ALOX5: variants seen among roughly 807,000 people sequenced by gnomAD.
ALOX5 encodes arachidonate 5-lipoxygenase, also known as polyunsaturated fatty acid 5-lipoxygenase.
Under a neutral mutation model 87.9 loss-of-function variants are expected in ALOX5, and 64 were observed. That is an observed-to-expected ratio of 0.73 (90% CI 0.60 to 0.90). The LOEUF is 0.90. ALOX5 is among the 40% of genes least tolerant of loss of function. ALOX5 has a pLI of 0.00. For synonymous variants in ALOX5, 388 were observed against 355.1 expected, an observed-to-expected ratio of 1.09 and a Z score of -1.04; for missense variants, 822 against 907.5, an observed-to-expected ratio of 0.91 and a Z score of 1.21.
chr10:45,403,000 T>A (rs2132735756), intron 3 of ALOX5, among the ~76,000 whole-genome samples: 1 of 152,164 alleles, frequency 6.6e-6, no homozygotes, highest in Non-Finnish European at 1.5e-5. Context: ...AACACCTGAG[T>A]ATTAAAGAAG....
In ALOX5 at chr10:45,418,437, C is replaced by CT. The variant is rs150443842; in HGVS notation, c.555-5603dup. Reference sequence around the variant, plus strand: ...ATCAGCCCCTCAGGGAAGTTTCTCCCTAAAGACAGCCTTTGTCTTCTCCAT... The same window carrying CT: ...ATCAGCCCCTCAGGGAAGTTTCTCCCTTAAAGACAGCCTTTGTCTTCTCCAT... On this transcript the variant is annotated intron_variant, in intron 4 of 13. Coordinates refer to ENST00000374391, the MANE Select transcript of ALOX5 (RefSeq NM_000698.5). Among the ~76,000 whole-genome samples, 1,212 of 152,318 alleles carry CT rather than the reference C, an allele frequency of 8.0e-3. 22 individuals are homozygous for CT. Among genetic ancestry groups the CT allele is most frequent in the East Asian group, 0.061 (314 of 5,174 alleles).
chr10:45,410,028 GTGGACTATTCACTTAAGAAAACATTAA>G (rs1841017792), intron 3 of ALOX5, among the ~76,000 whole-genome samples: 1 of 152,266 alleles, frequency 6.6e-6, no homozygotes, highest in Non-Finnish European at 1.5e-5. Flanking sequence ...ATCCGTCCAA[GTGGACTATTCACTTAAGAAAACATTAA>G]TGCCATTTGC....
intron 7 of ALOX5, among the ~76,000 whole-genome samples, chr10:45,435,954 C>A (rs1842050071): frequency 6.6e-6 from 1 of 152,138 alleles, no homozygotes; most frequent in African/African-American, 2.4e-5. Flanking sequence ...CATTTTTTTA[C>A]TTTTTAATAA....
At chr10:45,431,806 T>C (rs1455232564) in intron 7 of ALOX5, among the ~76,000 whole-genome samples, 1 of 152,052 alleles carries the variant, frequency 6.6e-6, no homozygotes, top group Non-Finnish European at 1.5e-5. Flanking sequence ...ACTCCTGACC[T>C]TGTGATTTGC....
rs767787897 is a variant in ALOX5 at position 45,443,064 on chromosome 10, C to T, written c.1299C>T (p.His433=). Residue 433 remains histidine (H), a synonymous_variant, in exon 10 of 14, where the codon CAC becomes CAT. Coordinates refer to ENST00000374391, the MANE Select transcript of ALOX5 (RefSeq NM_000698.5). ...DKANATGGGG[H]VQMVQRAMKD... Reference sequence around the variant, plus strand: ...CCAACGCCACAGGGGGCGGTGGGCACGTGCAGATGGTGCAGAGGGCCATGA... The same window carrying T: ...CCAACGCCACAGGGGGCGGTGGGCATGTGCAGATGGTGCAGAGGGCCATGA... The T allele has an allele frequency of 2.5e-6, 4 of 1,613,272 alleles. No individual in the cohort carries two copies. Among genetic ancestry groups the T allele is most frequent in the East Asian group, 2.2e-5 (1 of 44,878 alleles).
intron 2 of ALOX5, among the ~76,000 whole-genome samples, chr10:45,387,540 T>G (rs1300226124): frequency 6.6e-6 from 1 of 152,152 alleles, no homozygotes; most frequent in Non-Finnish European, 1.5e-5. Context: ...CAGGGGCCCT[T>G]AGGTCCCTGA....
At chr10:45,395,254 C>A (rs555049216) in intron 2 of ALOX5, among the ~76,000 whole-genome samples, 35 of 152,328 alleles carry the variant, frequency 2.3e-4, no homozygotes, top group South Asian at 1.9e-3. Context: ...GGCACATATA[C>A]ACCATGGAAT....
intron 2 of ALOX5, among the ~76,000 whole-genome samples, chr10:45,387,713 T>C (rs1174023833): frequency 6.6e-6 from 1 of 152,198 alleles, no homozygotes; most frequent in Non-Finnish European, 1.5e-5. Context: ...GCCCCAAGGC[T>C]TGCTGAGTGA....
At chr10:45,384,258 G>C (rs567288497) in intron 2 of ALOX5, among the ~76,000 whole-genome samples, 1 of 152,300 alleles carries the variant, frequency 6.6e-6, no homozygotes, top group South Asian at 2.1e-4. Flanking sequence ...TTTCTGGTCA[G>C]AGTTCCCAGT....
intron 4 of ALOX5, 42 bp from the exon 5 acceptor site, chr10:45,423,999 C>T (rs773870077): frequency 6.7e-7 from 1 of 1,488,692 alleles, no homozygotes. Flanking sequence ...CAGAGGGAGG[C>T]ATGGCTAGTG....
intron 12 of ALOX5, 123 bp from the exon 13 acceptor site, chr10:45,443,993 A>T: frequency 7.0e-7 from 1 of 1,437,554 alleles, no homozygotes; most frequent in Non-Finnish European, 9.3e-7. Flanking sequence ...GGCCGCGGGG[A>T]AAGAGGATGG....
At chr10:45,431,315 A>G (rs1841895293) in intron 7 of ALOX5, among the ~76,000 whole-genome samples, 1 of 152,152 alleles carries the variant, frequency 6.6e-6, no homozygotes, top group Non-Finnish European at 1.5e-5. Flanking sequence ...ATACCACATG[A>G]TAAAACAGGA....
intron 2 of ALOX5, among the ~76,000 whole-genome samples, chr10:45,393,161 T>C (rs1054592316): frequency 6.6e-6 from 1 of 152,104 alleles, no homozygotes; most frequent in Non-Finnish European, 1.5e-5. Context: ...AAAAAACAAT[T>C]TTAGACCAAT....
chr10:45,388,967 A>G (rs1051945649), intron 2 of ALOX5, among the ~76,000 whole-genome samples: 13 of 152,372 alleles, frequency 8.5e-5, no homozygotes, highest in African/African-American at 2.9e-4. Context: ...CGAATGGCTA[A>G]CTAGAATAAC....
At chr10:45,407,588 A>G (rs1363279946) in intron 3 of ALOX5, among the ~76,000 whole-genome samples, 1 of 152,188 alleles carries the variant, frequency 6.6e-6, no homozygotes, top group Non-Finnish European at 1.5e-5. Flanking sequence ...CACAATTTTC[A>G]TGTAAGAGCA....
chr10:45,379,595 C>A (rs1432661568), intron 1 of ALOX5, among the ~76,000 whole-genome samples: 1 of 152,224 alleles, frequency 6.6e-6, no homozygotes, highest in African/African-American at 2.4e-5. Context: ...GACGCAGGGG[C>A]CCATGCTAGC....
rs1192309191 is a variant in ALOX5, at chr10:45,412,288, G to T, written c.529G>T (p.Asp177Tyr). ...CCAGTTTGATAGTGAAAAAGGAGTG[G>T]ACTTTGTTCTGAATTACTCCAAAGC... Reference protein sequence around the residue: ...DIQFDSEKGVDFVLNYSKAME... With the variant: ...DIQFDSEKGVYFVLNYSKAME... Residue 177 changes from aspartate to tyrosine, a missense_variant, in exon 4 of 14, where the codon GAC (aspartate) becomes TAC (tyrosine). By Grantham distance (160) the Asp-to-Tyr change is radical. Coordinates refer to ENST00000374391, the MANE Select transcript of ALOX5 (RefSeq NM_000698.5). The T allele has an allele frequency of 6.2e-7, 1 of 1,614,150 alleles. No homozygotes were observed. The highest frequency in any genetic ancestry group is 8.5e-7 in the Non-Finnish European group (1 of 1,180,034).
intron 4 of ALOX5, among the ~76,000 whole-genome samples, chr10:45,420,729 T>G: frequency 6.6e-6 from 1 of 152,246 alleles, no homozygotes; most frequent in Non-Finnish European, 1.5e-5. Flanking sequence ...CCAGCCCTCC[T>G]CAGCAGGCTT....
At chr10:45,442,460 C>G (rs543801592) in intron 9 of ALOX5, among the ~76,000 whole-genome samples, 1 of 152,346 alleles carries the variant, frequency 6.6e-6, no homozygotes, top group African/African-American at 2.4e-5. Context: ...ACAGCCCAGC[C>G]CCCTGGGTGT....
Sources: gnomAD v4.1 joint callset for allele counts (sites outside exome capture counted in the v4.1 genomes callset) on GRCh38, gnomAD v4.1.1 for gene constraint, MANE v1.5 for transcripts, NCBI Gene and HGNC (gene_info 2026-07-23, HGNC 2026-07-21) for gene names.